Variants in BACH2 observed in about 807,000 individuals in gnomAD.
BACH2 encodes BACH transcriptional regulator 2, also known as transcription regulator protein BACH2.
BACH2 carries 5 observed loss-of-function variants against 61.8 expected under a neutral mutation model. That is an observed-to-expected ratio of 0.08 (90% confidence interval 0.04 to 0.17). BACH2 has a LOEUF of 0.17. Ranked by LOEUF, BACH2 falls within the 10% of genes least tolerant of loss-of-function variation. The pLI, the probability that BACH2 is intolerant of heterozygous loss-of-function variation, is 1.00. For missense variants in BACH2, 824 were observed against 1,091.1 expected (o/e 0.76, Z 3.45); for synonymous variants, 446 against 440.1 (o/e 1.01, Z -0.17).
intron 3 of BACH2, among the ~76,000 whole-genome samples, chr6:90,230,372 T>C (rs1317007155): frequency 6.6e-6 from 1 of 152,224 alleles, no homozygotes; most frequent in Admixed American, 6.5e-5. Flanking sequence ...CCTATACATG[T>C]GTACATGTGA....
chr6:90,173,550 C>T (rs926857592), intron 4 of BACH2, among the ~76,000 whole-genome samples: 1 of 152,100 alleles, frequency 6.6e-6, no homozygotes, highest in Non-Finnish European at 1.5e-5. Flanking sequence ...AGGCATTATA[C>T]TAAGTGAAAG....
chr6:90,150,275 G>C (rs774791624), intron 4 of BACH2, among the ~76,000 whole-genome samples: 15 of 152,056 alleles, frequency 9.9e-5, no homozygotes, highest in Non-Finnish European at 1.8e-4. Flanking sequence ...TGGTCTCCTT[G>C]TTTCAATTAC....
chr6:89,940,012 CTTTTCTT>C (rs1336204218), intron 7 of BACH2, among the ~76,000 whole-genome samples: 3 of 151,370 alleles, frequency 2.0e-5, no homozygotes, highest in Non-Finnish European at 4.4e-5. Flanking sequence ...TGAAATATTT[CTTTTCTT>C]TTTTCTTTTG....
Position 90,098,284 on chromosome 6 carries a change from A to AC in BACH2, c.-161-9176_-161-9175insG, listed in dbSNP as rs1455580219. Among the ~76,000 whole-genome samples the AC allele has an allele frequency of 1.6e-4, 21 of 133,050 alleles. No individual in the cohort carries two copies. In the East Asian group the frequency reaches 2.9e-3, roughly 19 times the overall value. 87.3% of individuals were successfully genotyped at this position (133,050 alleles called of 152,430 possible). A position where few individuals can be genotyped will look rare whatever the true frequency, so the allele number is the denominator to read the frequency against. On this transcript the variant is annotated intron_variant, in intron 4 of 8. Transcript: ENST00000257749. ...AGCAAGATTTCTTTGCCCCCCCCGC[A>AC]ACCCCCACCCTTCCCTTCTTGGTTT... is the stretch of plus-strand genomic sequence containing the variant.
chr6:90,124,091 T>G (rs983595145), intron 4 of BACH2, among the ~76,000 whole-genome samples: 1 of 152,148 alleles, frequency 6.6e-6, no homozygotes, highest in Admixed American at 6.5e-5. Context: ...AGAATCCATG[T>G]TTTTCAAAGT....
intron 3 of BACH2, among the ~76,000 whole-genome samples, chr6:90,239,258 G>C (rs1050642591): frequency 2.6e-5 from 4 of 152,200 alleles, no homozygotes; most frequent in African/African-American, 9.7e-5. Flanking sequence ...GGCGGATTTA[G>C]TTTTCTGTCA....
At chr6:89,972,702 T>A (rs994871676) in intron 6 of BACH2, among the ~76,000 whole-genome samples, 1 of 152,096 alleles carries the variant, frequency 6.6e-6, no homozygotes, top group Non-Finnish European at 1.5e-5. Flanking sequence ...CTGCCTAATG[T>A]AGGATTTTTA....
chr6:90,091,678 T>C (rs900034319), intron 4 of BACH2, among the ~76,000 whole-genome samples: 3 of 152,206 alleles, frequency 2.0e-5, no homozygotes, highest in Non-Finnish European at 4.4e-5. Flanking sequence ...TTCACTTATG[T>C]ATAAACTCAA....
chr6:90,055,486 T>G (rs1169367904), intron 5 of BACH2, among the ~76,000 whole-genome samples: 2 of 152,060 alleles, frequency 1.3e-5, no homozygotes, highest in Admixed American at 6.5e-5. Context: ...AAAGACCAAA[T>G]GTACATCTGA....
At chr6:90,081,633 A>C (rs934419294) in intron 5 of BACH2, among the ~76,000 whole-genome samples, 5 of 152,180 alleles carry the variant, frequency 3.3e-5, no homozygotes, top group Non-Finnish European at 7.4e-5. Context: ...GCTTTCAAGG[A>C]ACTTAAGAAT....
At chr6:90,233,978 CAG>C (rs1770181801) in intron 3 of BACH2, among the ~76,000 whole-genome samples, 1 of 152,180 alleles carries the variant, frequency 6.6e-6, no homozygotes, top group Non-Finnish European at 1.5e-5. Context: ...GAACCAGACT[CAG>C]GGTTTTCCTG....
intron 5 of BACH2, among the ~76,000 whole-genome samples, chr6:90,054,036 T>C (rs934194373): frequency 6.6e-6 from 1 of 152,168 alleles, no homozygotes; most frequent in Admixed American, 6.5e-5. Flanking sequence ...GCTCCCAGCG[T>C]GAGCGATGCA....
At chr6:90,077,991 T>A (rs1781549483) in intron 5 of BACH2, among the ~76,000 whole-genome samples, 1 of 152,152 alleles carries the variant, frequency 6.6e-6, no homozygotes, top group Admixed American at 6.5e-5. Flanking sequence ...GGAAAAGGAC[T>A]CTAGAAGGAC....
chr6:90,006,364 A>T (rs1296772837), intron 6 of BACH2, among the ~76,000 whole-genome samples: 1 of 152,130 alleles, frequency 6.6e-6, no homozygotes, highest in Non-Finnish European at 1.5e-5. Context: ...GCAGTTAAGG[A>T]AAGGCCAGCT....
rs140426442 is a variant in BACH2 at position 90,168,143 on chromosome 6, G to C, written c.-162+38426C>G. On this transcript the variant is annotated intron_variant, in intron 4 of 8. Coordinates refer to ENST00000257749, the MANE Select transcript of BACH2 (RefSeq NM_021813.4). ...GGAGGCCAAGGTGGGAGAATCACTT[G>C]AGCCCAGGAGTTTGAGACCAGCCTG... Among the ~76,000 whole-genome samples, 1,520 of 152,268 alleles carry C rather than the reference G, an allele frequency of 1.0e-2. 21 individuals are homozygous for C. Among genetic ancestry groups the C allele is most frequent in the African/African-American group, 0.028 (1,165 of 41,542 alleles).
rs912307432 is a variant in BACH2 at position 89,976,842 on chromosome 6, T to TA, written c.244-24981dup. ...GATACCTCGTTGGCTCTGGAGCAGG[T>TA]AAAAAAAATCACACATAAAATAGCA... On this transcript the variant is annotated intron_variant, in intron 6 of 8. Coordinates refer to ENST00000257749, the MANE Select transcript of BACH2 (RefSeq NM_021813.4). Among the ~76,000 whole-genome samples, 50 of 152,174 alleles carry TA rather than the reference T, an allele frequency of 3.3e-4. 1 individual carries two copies. Among genetic ancestry groups the TA allele is most frequent in the African/African-American group, 9.9e-4 (41 of 41,520 alleles).
At chr6:89,953,108 T>C (rs1328206557) in intron 6 of BACH2, 1 of 152,224 alleles carries the variant, frequency 6.6e-6, no homozygotes, top group East Asian at 1.9e-4. Context: ...CAAGGTGAAC[T>C]GGTAAACTTT....
rs945346652 is a variant in BACH2, at chr6:89,932,314, G to A, written c.*94C>T. On this transcript the variant is annotated 3_prime_UTR_variant, in exon 9 of 9. Transcript: ENST00000257749. ...TGTAGTGTGCACCAAATGTGTTCTC[G>A]GTTTCTTCGGGACAGCAGATGAACA... is the stretch of plus-strand genomic sequence containing the variant. 5.3e-5 allele frequency: 79 copies of A among 1,482,174 alleles called. No individual in the cohort carries two copies. The highest frequency in any genetic ancestry group is 1.0e-4 in the South Asian group (8 of 78,604). 91.8% of individuals were successfully genotyped at this position (1,482,174 alleles called of 1,614,324 possible).
rs76088755 is a variant in BACH2, at chr6:89,990,188, C to T, written c.243+18414G>A. Reference sequence around the variant, plus strand: ...CAAGGGAGGCCTCCTACAGCAGCTCCATGTGGGGAGCTATACCCTTAGAGA... The same window carrying T: ...CAAGGGAGGCCTCCTACAGCAGCTCTATGTGGGGAGCTATACCCTTAGAGA... On this transcript the variant is annotated intron_variant, in intron 6 of 8. Coordinates refer to ENST00000257749, the MANE Select transcript of BACH2 (RefSeq NM_021813.4). Among the ~76,000 whole-genome samples, 1,355 of 152,286 alleles carry T rather than the reference C, an allele frequency of 8.9e-3. 22 individuals are homozygous for T. The highest frequency in any genetic ancestry group is 0.077 in the East Asian group (399 of 5,176).
Sources: allele counts gnomAD v4.1 joint callset (sites outside exome capture counted in the v4.1 genomes callset), GRCh38; gene constraint gnomAD v4.1.1; transcripts MANE v1.5; gene names NCBI Gene and HGNC (gene_info 2026-07-23, HGNC 2026-07-21).